Variants in GORASP1 observed in about 807,000 individuals in gnomAD.
The protein encoded by GORASP1 is Golgi reassembly-stacking protein 1.
Under a neutral mutation model 37.7 loss-of-function variants are expected in GORASP1, and 31 were observed. That is an observed-to-expected ratio of 0.82 (90% CI 0.62 to 1.11). The LOEUF is 1.11. Ranked by LOEUF, GORASP1 falls within the 50% of genes least tolerant of loss-of-function variation. The probability of loss-of-function intolerance (pLI) is 0.00; values close to 1 mark genes in which losing one functional copy is unlikely to be tolerated. For missense variants in GORASP1, 476 were observed against 560.7 expected (o/e 0.85, Z 1.53); for synonymous variants, 204 against 224.8 (o/e 0.91, Z 0.83).
chr3:39,099,342 C>G lies in GORASP1; in HGVS notation c.916+11G>C. On this transcript the variant is annotated intron_variant, in intron 7 of 8. Transcript: ENST00000319283. ...CCTGGGGCCCACTCCTCTCCAGGGC[C>G]TGCCCAGTACCTGGGTCCATAACTC... 6.2e-7 allele frequency: 1 copy of G among 1,612,128 alleles called. No homozygotes were observed. Among genetic ancestry groups the G allele is most frequent in the Non-Finnish European group, 8.5e-7 (1 of 1,179,142 alleles).
chr3:39,101,035 G>T lies in GORASP1; in HGVS notation c.416C>A (p.Ser139Ter). The change falls in exon 4 of 9, where the codon TCG (serine) becomes TAG (stop). Residue 139 changes from serine (S) to a stop codon, truncating the protein, a stop_gained. Transcript: ENST00000319283. LOFTEE classifies it high-confidence loss of function. Reference protein sequence around the residue: ...LRPYTDYVVGSDQILQESEDF... With the variant: ...LRPYTDYVVG The stretch of plus-strand genomic sequence containing the variant: ...CCTCACCTCCTGGAGAATCTGGTCC[G>T]AACCAACCACATAGTCTGTGTAGGG... 6.2e-7 allele frequency: 1 copy of T among 1,614,166 alleles called. No individual in the cohort carries two copies. Among genetic ancestry groups the T allele is most frequent in the Non-Finnish European group, 8.5e-7 (1 of 1,179,994 alleles).
rs751082456 is a variant in GORASP1, at chr3:39,100,751, C to G, written c.562G>C (p.Gly188Arg). 70 of 1,613,646 alleles carry G rather than the reference C, an allele frequency of 4.3e-5. No individual in the cohort carries two copies. In the East Asian group the frequency reaches 1.6e-3, roughly 36 times the overall value. The change falls in exon 5 of 9, where the codon GGC (glycine) becomes CGC (arginine). Residue 188 changes from glycine (G) to arginine (R), a missense_variant. Coordinates refer to ENST00000319283, the MANE Select transcript of GORASP1 (RefSeq NM_031899.4). This position sits in a 1 kb window ranked among gnomAD's most constrained non-coding sequence, Gnocchi z 4.6. ...VTPNAAWGGE[G>R]SLGCGIGYGY... is the part of the protein sequence containing the mutation. ...CCCTCCAACCCCACGAAGTACCTGC[C>G]CTCTCCACCCCAGGCTGCGTTGGGA...
chr3:39,098,412 G>A lies in GORASP1; in HGVS notation c.1147C>T (p.Leu383=). 1 of 1,614,206 alleles carries A rather than the reference G, an allele frequency of 6.2e-7. No homozygotes were observed. Among genetic ancestry groups the A allele is most frequent in the Non-Finnish European group, 8.5e-7 (1 of 1,180,030 alleles). Reference sequence around the variant, plus strand: ...CTGTCAGGAAGAGTCAGCTGAGGCAGGTGGTCCGCCTGGGCTTGGGCACCT... The same window carrying A: ...CTGTCAGGAAGAGTCAGCTGAGGCAAGTGGTCCGCCTGGGCTTGGGCACCT... ...SPGAQAQADH[L]PQLTLPDSLT... The change falls in exon 9 of 9, where the codon CTG becomes TTG. Residue 383 remains leucine, a synonymous_variant. Coordinates refer to ENST00000319283, the MANE Select transcript of GORASP1 (RefSeq NM_031899.4). This position sits in a 1 kb window ranked among gnomAD's most constrained non-coding sequence, Gnocchi z 4.7.
Position 39,102,328 on chromosome 3 carries a change from C to T in GORASP1, c.348+350G>A, listed in dbSNP as rs1036599730. ...GACTGAAACGTTGTCATGCAACACA[C>T]ACACGGAGAGACACAGAGAATAATA... On this transcript the variant is annotated intron_variant, in intron 3 of 8. Transcript: ENST00000319283. The surrounding 1 kb of genome is among the most constrained non-coding windows in gnomAD (Gnocchi z 5.0). Among the ~76,000 whole-genome samples the T allele has an allele frequency of 2.6e-5, 4 of 152,156 alleles. No homozygotes were observed. Among genetic ancestry groups the T allele is most frequent in the African/African-American group, 9.7e-5 (4 of 41,414 alleles).
intron 3 of GORASP1, 97 bp from the exon 4 acceptor site, chr3:39,101,199 G>T: frequency 9.6e-7 from 1 of 1,041,664 alleles, no homozygotes; most frequent in South Asian, 1.3e-5. Context: ...TAGTGAGTGG[G>T]ACACTTGTCC....
chr3:39,105,476 A>G lies in GORASP1; in HGVS notation c.64-1923T>C, dbSNP rs1185412748. On this transcript the variant is annotated intron_variant, in intron 1 of 8. Transcript: ENST00000319283. This position sits in a 1 kb window ranked among gnomAD's most constrained non-coding sequence, Gnocchi z 5.4. ...CATTTAACCTTTTTAATAACCTCAAATGACAAATGAGACCAAGTACTCAAT... is the reference window on the plus strand; with the variant it reads ...CATTTAACCTTTTTAATAACCTCAAGTGACAAATGAGACCAAGTACTCAAT... 6.6e-6 allele frequency among the ~76,000 whole-genome samples: 1 copy of G among 152,080 alleles called. No homozygotes were observed. Among genetic ancestry groups the G allele is most frequent in the East Asian group, 1.9e-4 (1 of 5,180 alleles).
In GORASP1 at chr3:39,098,683, G is replaced by T; in HGVS notation, c.1069+58C>A. On this transcript the variant is annotated intron_variant, in intron 8 of 8. Transcript: ENST00000319283. The surrounding 1 kb of genome is among the most constrained non-coding windows in gnomAD (Gnocchi z 4.7). ...CTGCCCAGCTGAGGAATTGAGGGCA[G>T]CCTTCCCAACAACCCGGGGTCCTTC... The T allele has an allele frequency of 6.3e-7, 1 of 1,584,864 alleles. No individual in the cohort carries two copies. Among genetic ancestry groups the T allele is most frequent in the Non-Finnish European group, 8.6e-7 (1 of 1,164,484 alleles).
chr3:39,100,782 A>C lies in GORASP1; in HGVS notation c.531T>G (p.Thr177=). 6.2e-7 allele frequency: 1 copy of C among 1,614,084 alleles called. No individual in the cohort carries two copies. The highest frequency in any genetic ancestry group is 1.1e-5 in the South Asian group (1 of 91,084). Residue 177 remains threonine (T), a synonymous_variant, in exon 5 of 9, where the codon ACT becomes ACG. Transcript: ENST00000319283. The surrounding 1 kb of genome is among the most constrained non-coding windows in gnomAD (Gnocchi z 4.6). ...NSKSDSCREV[T]VTPNAAWGGE... ...CACCCCAGGCTGCGTTGGGAGTTACAGTCACCTCCCGGCAGGAGTCTGACT... is the reference window on the plus strand; with the variant it reads ...CACCCCAGGCTGCGTTGGGAGTTACCGTCACCTCCCGGCAGGAGTCTGACT...
chr3:39,102,577 T>A lies in GORASP1; in HGVS notation c.348+101A>T, dbSNP rs1014315107. The A allele has an allele frequency of 8.5e-6, 10 of 1,172,096 alleles. No homozygotes were observed. In the African/African-American group the frequency reaches 1.4e-4, roughly 16 times the overall value. 72.6% of individuals were successfully genotyped at this position (1,172,096 alleles called of 1,614,324 possible). ...CTGGCCACTGCTCCAAGGCTCCCAC[T>A]CCACTCCTGCATGTACCCCCTCACA... On this transcript the variant is annotated intron_variant, in intron 3 of 8. Transcript: ENST00000319283. This position sits in a 1 kb window ranked among gnomAD's most constrained non-coding sequence, Gnocchi z 5.0.
Position 39,107,603 on chromosome 3 carries a change from G to A in GORASP1, c.-62C>T, listed in dbSNP as rs1262259430. The A allele has an allele frequency of 9.2e-6, 13 of 1,408,650 alleles. No homozygotes were observed. The highest frequency in any genetic ancestry group is 7.9e-5 in the Admixed American group (3 of 37,836). The allele number at this position is 1,408,650 out of a possible 1,614,324, so 87.3% of individuals were successfully genotyped here. On this transcript the variant is annotated 5_prime_UTR_variant, in exon 1 of 9. Coordinates refer to ENST00000319283, the MANE Select transcript of GORASP1 (RefSeq NM_031899.4). ...CTGCGCCTACCCGGACCGACCCGAC[G>A]CCAGTAGCACCGACTCGCTCTCTCG...
rs140889247 is a variant in GORASP1 at position 39,098,857 on chromosome 3, T to C, written c.953A>G (p.Asn318Ser). 2.8e-4 allele frequency: 455 copies of C among 1,614,124 alleles called. No individual in the cohort carries two copies. In the African/African-American group the frequency reaches 5.3e-3, roughly 19 times the overall value. The change falls in exon 8 of 9, where the codon AAC becomes AGC. Residue 318 changes from asparagine (N) to serine (S), a missense_variant. Physicochemically the swap from Asn to Ser is conservative, Grantham distance 46. Transcript: ENST00000319283. This position sits in a 1 kb window ranked among gnomAD's most constrained non-coding sequence, Gnocchi z 4.7. ...GCTGGGCCACACACTGGCATTGCTG[T>C]TGTCCAAGAGAGAAATTCCCGACAC... is the stretch of plus-strand genomic sequence containing the variant. The part of the protein sequence containing the change: ...LDVSGISLLD[N>S]SNASVWPSLP...
intron 3 of GORASP1, chr3:39,101,437 G>T: frequency 1.9e-6 from 1 of 518,708 alleles, no homozygotes; most frequent in South Asian, 1.6e-5. Flanking sequence ...ACAATTAAAA[G>T]TAAGATACAC....
chr3:39,096,809 G>T lies in GORASP1; in HGVS notation c.*1427C>A, dbSNP rs1230020321. On this transcript the variant is annotated 3_prime_UTR_variant, in exon 9 of 9. Transcript: ENST00000319283. Reference sequence around the variant, plus strand: ...TTATCCTCCAACTTATGGGGGAAGGGAAAGTAAAAGTGAGGGAGGGAAGAG... The same window carrying T: ...TTATCCTCCAACTTATGGGGGAAGGTAAAGTAAAAGTGAGGGAGGGAAGAG... The T allele has an allele frequency of 6.6e-6, 1 of 152,168 alleles. No individual in the cohort carries two copies. Among genetic ancestry groups the T allele is most frequent in the Non-Finnish European group, 1.5e-5 (1 of 68,030 alleles). 9.4% of individuals were successfully genotyped at this position (152,168 alleles called of 1,614,324 possible).
chr3:39,102,681 C>T lies in GORASP1; in HGVS notation c.345G>A (p.Val115=). 1 of 1,614,136 alleles carries T rather than the reference C, an allele frequency of 6.2e-7. No individual in the cohort carries two copies. ...CCCTGCCATACCCCACACTCACCAG[C>T]ACATGCCACACCTGCTCACTGGCCC... ...FRRASEQVWH[V]LDVEPSSPAA... The change falls in exon 3 of 9, where the codon GTG becomes GTA. Residue 115 remains valine (V), a synonymous_variant. Transcript: ENST00000319283. This position sits in a 1 kb window ranked among gnomAD's most constrained non-coding sequence, Gnocchi z 5.0.
At chr3:39,101,143 G>A (rs2035682830) in intron 3 of GORASP1, 41 bp from the exon 4 acceptor site, 2 of 1,587,500 alleles carry the variant, frequency 1.3e-6, no homozygotes, top group South Asian at 1.1e-5. Context: ...GCTACTAGAG[G>A]TGGGGTTGGG....
Position 39,098,767 on chromosome 3 carries a change from G to C in GORASP1, c.1043C>G (p.Ser348Cys). Residue 348 changes from serine to cysteine, a missense_variant, in exon 8 of 9, where the codon TCC becomes TGC. Coordinates refer to ENST00000319283, the MANE Select transcript of GORASP1 (RefSeq NM_031899.4). This position sits in a 1 kb window ranked among gnomAD's most constrained non-coding sequence, Gnocchi z 4.7. ...VSTSGPEDIC[S>C]SSSSHERGGE... ...ACCCCGCTCATGAGAACTGCTGCTGGAGCAGATGTCCTCTGGCCCTGAGGT... is the reference window on the plus strand; with the variant it reads ...ACCCCGCTCATGAGAACTGCTGCTGCAGCAGATGTCCTCTGGCCCTGAGGT... 2 of 1,614,098 alleles carry C rather than the reference G, an allele frequency of 1.2e-6. No homozygotes were observed. Among genetic ancestry groups the C allele is most frequent in the Middle Eastern group, 1.7e-4 (1 of 6,060 alleles).
chr3:39,100,903 G>C lies in GORASP1; in HGVS notation c.436-26C>G. The C allele has an allele frequency of 6.8e-6, 11 of 1,614,150 alleles. No individual in the cohort carries two copies. Among genetic ancestry groups the C allele is most frequent in the Non-Finnish European group, 9.3e-6 (11 of 1,179,978 alleles). On this transcript the variant is annotated intron_variant, in intron 4 of 8. Transcript: ENST00000319283. The surrounding 1 kb of genome is among the most constrained non-coding windows in gnomAD (Gnocchi z 4.6). ...CTGTGAGAAACGCATAGCACCTGAG[G>C]CCTGCTTCCAGGGCTAAAGCCTCAA...
chr3:39,103,941 A>G lies in GORASP1; in HGVS notation c.64-388T>C, dbSNP rs1179889752. ...TTACCAGAAAGGTTTAGACTGGACC[A>G]GAAGGGAGGGCCCTGACGTGCAGTG... On this transcript the variant is annotated intron_variant, in intron 1 of 8. Transcript: ENST00000319283. The surrounding 1 kb of genome is among the most constrained non-coding windows in gnomAD (Gnocchi z 5.2). Among the ~76,000 whole-genome samples the G allele has an allele frequency of 6.6e-6, 1 of 152,206 alleles. No homozygotes were observed. The highest frequency in any genetic ancestry group is 1.5e-5 in the Non-Finnish European group (1 of 68,016).
Position 39,100,927 on chromosome 3 carries a change from A to G in GORASP1, c.436-50T>C, listed in dbSNP as rs188886520. 1.5e-4 allele frequency: 243 copies of G among 1,613,918 alleles called. 1 individual carries two copies. The East Asian group carries it at 3.1e-3, about 21-fold the overall frequency. ...GGCCTGCTTCCAGGGCTAAAGCCTC[A>G]ACAAAACCAGACACTTCTCATGGAC... On this transcript the variant is annotated intron_variant, in intron 4 of 8. Transcript: ENST00000319283. The surrounding 1 kb of genome is among the most constrained non-coding windows in gnomAD (Gnocchi z 4.6).
Sources: gnomAD v4.1 joint callset for allele counts (sites outside exome capture counted in the v4.1 genomes callset) on GRCh38, gnomAD v4.1.1 for gene constraint, Gnocchi (gnomAD v3.1) non-coding constraint, MANE v1.5 for transcripts, NCBI Gene and HGNC (gene_info 2026-07-23, HGNC 2026-07-21) for gene names.